The following CACNA2D4 variants were observed in gnomAD, a reference collection of about 807,000 sequenced individuals.
The protein encoded by CACNA2D4 is voltage-dependent calcium channel subunit alpha-2/delta-4.
In CACNA2D4, 157 loss-of-function variants were observed where a neutral mutation model predicts 163.8. That is an observed-to-expected ratio of 0.96 (90% confidence interval 0.84 to 1.09). CACNA2D4 has a LOEUF of 1.09. Ranked by LOEUF, CACNA2D4 falls within the 50% of genes least tolerant of loss-of-function variation. The pLI is 0.00. For missense variants in CACNA2D4, 1,410 were observed against 1,479.9 expected, an observed-to-expected ratio of 0.95 and a Z score of 0.78; for synonymous variants, 598 against 586.9, an observed-to-expected ratio of 1.02 and a Z score of -0.27.
At chr12:1,890,173 A>G (rs533520622) in intron 6 of CACNA2D4, among the ~76,000 whole-genome samples, 61 of 152,264 alleles carry the variant, frequency 4.0e-4, no homozygotes, top group African/African-American at 1.4e-3. Flanking sequence ...TAAGACTAAC[A>G]TAGGGAGCTG....
rs764637176 is a variant in CACNA2D4 at position 1,913,133 on chromosome 12, T to C, written c.316A>G (p.Lys106Glu). The C allele has an allele frequency of 1.9e-6, 3 of 1,611,038 alleles. No homozygotes were observed. The highest frequency in any genetic ancestry group is 2.2e-5 in the South Asian group (2 of 91,014). The change falls in exon 3 of 38, where the codon AAG becomes GAG. Residue 106 changes from lysine (K) to glutamate (E), a missense_variant. Physicochemically the swap from Lys to Glu is moderately conservative, Grantham distance 56 (BLOSUM62 1). Coordinates refer to ENST00000382722, the MANE Select transcript of CACNA2D4 (RefSeq NM_172364.5). ...SGSLLLQKKY[K>E]DVESSLKIEE... ...ATCTTCAGACTGGACTCCACATCCTTGTACTTCTGTTTGGGGAAAGTGGGA... is the reference window on the plus strand; with the variant it reads ...ATCTTCAGACTGGACTCCACATCCTCGTACTTCTGTTTGGGGAAAGTGGGA...
chr12:1,797,991 T>C (rs942156541), intron 34 of CACNA2D4, among the ~76,000 whole-genome samples: 9 of 151,860 alleles, frequency 5.9e-5, no homozygotes, highest in African/African-American at 2.2e-4. Flanking sequence ...CCTGCCCTGC[T>C]CTCCCGCACA....
At chr12:1,847,309 T>G (rs1234650231) in intron 23 of CACNA2D4, among the ~76,000 whole-genome samples, 1 of 152,220 alleles carries the variant, frequency 6.6e-6, no homozygotes, top group Admixed American at 6.5e-5. Context: ...CCAGATGATA[T>G]TCTTGTCTTT....
At chr12:1,856,461 G>C (rs1265741870) in intron 20 of CACNA2D4, among the ~76,000 whole-genome samples, 1 of 152,198 alleles carries the variant, frequency 6.6e-6, no homozygotes, top group African/African-American at 2.4e-5. Context: ...TCAAGGTTCA[G>C]GGCAAATGCC....
chr12:1,824,588 G>C (rs1268983711), intron 26 of CACNA2D4, among the ~76,000 whole-genome samples: 1 of 152,234 alleles, frequency 6.6e-6, no homozygotes, highest in African/African-American at 2.4e-5. Flanking sequence ...ATGAGGCCAT[G>C]GGACTTGCAG....
intron 27 of CACNA2D4, among the ~76,000 whole-genome samples, chr12:1,811,318 C>T (rs144030588): frequency 6.6e-6 from 1 of 152,314 alleles, no homozygotes; most frequent in African/African-American, 2.4e-5. Flanking sequence ...AAGCCGCTGT[C>T]GTCTCTGGCA....
At chr12:1,803,717 CA>C (rs1303387976) in intron 29 of CACNA2D4, among the ~76,000 whole-genome samples, 1 of 152,200 alleles carries the variant, frequency 6.6e-6, no homozygotes, top group African/African-American at 2.4e-5. Flanking sequence ...GCCTGACCAC[CA>C]AAAACTATTT....
Position 1,858,723 on chromosome 12 carries a change from C to G in CACNA2D4, c.1941-79G>C, listed in dbSNP as rs1865457052. 5 of 1,146,972 alleles carry G rather than the reference C, an allele frequency of 4.4e-6. No individual in the cohort carries two copies. The East Asian group carries it at 1.3e-4, about 29-fold the overall frequency. 71.0% of individuals were successfully genotyped at this position (1,146,972 alleles called of 1,614,324 possible). A position where few individuals can be genotyped will look rare whatever the true frequency, so the allele number is the denominator to read the frequency against. On this transcript the variant is annotated intron_variant, in intron 19 of 37. Transcript: ENST00000382722. ...CTCCCGGGCCTCGTCCTTGCCCTTACCAACACTAGGTGTATGGGCTTTTTG... is the reference window on the plus strand; with the variant it reads ...CTCCCGGGCCTCGTCCTTGCCCTTAGCAACACTAGGTGTATGGGCTTTTTG...
Position 1,799,818 on chromosome 12 carries a change from TCA to T in CACNA2D4, c.2975-125_2975-124del, listed in dbSNP as rs1863248794. 7.4e-7 allele frequency: 1 copy of T among 1,345,586 alleles called. No individual in the cohort carries two copies. The highest frequency in any genetic ancestry group is 1.3e-5 in the South Asian group (1 of 79,892). 83.4% of individuals were successfully genotyped at this position (1,345,586 alleles called of 1,614,324 possible). On this transcript the variant is annotated intron_variant, in intron 33 of 37. Coordinates refer to ENST00000382722, the MANE Select transcript of CACNA2D4 (RefSeq NM_172364.5). This position sits in a 1 kb window ranked among gnomAD's most constrained non-coding sequence, Gnocchi z 4.7. ...GGAGTGGCGGTGTCCCAAGATGATG[TCA>T]CACACAGAGCCAGGAGTGAGGGATG...
chr12:1,846,524 A>G, intron 24 of CACNA2D4, 70 bp downstream of exon 24: 2 of 1,274,048 alleles, frequency 1.6e-6, no homozygotes, highest in Non-Finnish European at 2.2e-6. Flanking sequence ...TGGCCCAGGA[A>G]CACACCATGG....
intron 3 of CACNA2D4, among the ~76,000 whole-genome samples, chr12:1,911,149 G>A (rs11062018): frequency 0.13 from 19,188 of 150,098 alleles, 1,273 homozygotes; most frequent in Admixed American, 0.15. Flanking sequence ...TCAGACTCCC[G>A]AGTAGCTGGG....
intron 26 of CACNA2D4, among the ~76,000 whole-genome samples, chr12:1,832,341 G>A (rs1362015034): frequency 6.6e-6 from 1 of 152,202 alleles, no homozygotes; most frequent in Admixed American, 6.5e-5. Context: ...GTCATTATGA[G>A]AATTAAATGT....
At chr12:1,905,689 A>C (rs1032675268) in intron 6 of CACNA2D4, among the ~76,000 whole-genome samples, 3 of 152,226 alleles carry the variant, frequency 2.0e-5, no homozygotes, top group African/African-American at 7.2e-5. Context: ...ACACTGCTGA[A>C]AGAAATTAAG....
chr12:1,846,464 C>G, intron 24 of CACNA2D4, 130 bp downstream of exon 24: 1 of 707,168 alleles, frequency 1.4e-6, no homozygotes, highest in Non-Finnish European at 2.4e-6. Flanking sequence ...TTCTGCCCTG[C>G]TGGGCTCCCA....
intron 3 of CACNA2D4, among the ~76,000 whole-genome samples, chr12:1,912,479 C>T (rs1465842816): frequency 6.6e-6 from 1 of 152,226 alleles, no homozygotes; most frequent in Non-Finnish European, 1.5e-5. Context: ...CTGTAAGCAC[C>T]TCTGCTGCCC....
intron 4 of CACNA2D4, 106 bp downstream of exon 4, chr12:1,909,800 G>A: frequency 1.2e-6 from 1 of 862,620 alleles, no homozygotes; most frequent in Non-Finnish European, 1.9e-6. Context: ...AATGTCTATG[G>A]AATCAGTGGA....
At chr12:1,793,938 C>T (rs1863042735) in intron 37 of CACNA2D4, among the ~76,000 whole-genome samples, 179 bp from the exon 38 acceptor site, 1 of 152,214 alleles carries the variant, frequency 6.6e-6, no homozygotes, top group Non-Finnish European at 1.5e-5. Context: ...AGGCTGGCCC[C>T]TCAGCCTGGG....
At chr12:1,800,130 A>T (rs1482851628) in intron 32 of CACNA2D4, 78 bp from the exon 33 acceptor site, 1 of 1,412,292 alleles carries the variant, frequency 7.1e-7, no homozygotes, top group East Asian at 2.5e-5. Flanking sequence ...AGTATCCCTG[A>T]CAGCCCCCGG....
intron 22 of CACNA2D4, among the ~76,000 whole-genome samples, chr12:1,855,067 C>T (rs1415716436): frequency 6.6e-6 from 1 of 152,064 alleles, no homozygotes; most frequent in Non-Finnish European, 1.5e-5. Flanking sequence ...TTAAAGCAGG[C>T]CTATTTCTCT....
Sources: allele counts gnomAD v4.1 joint callset (sites outside exome capture counted in the v4.1 genomes callset), GRCh38; gene constraint gnomAD v4.1.1; non-coding constraint Gnocchi (gnomAD v3.1); transcripts MANE v1.5; gene names NCBI Gene and HGNC (gene_info 2026-07-23, HGNC 2026-07-21).